NLRP12: variants seen among roughly 807,000 people sequenced by gnomAD.
The protein encoded by NLRP12 is NACHT, LRR and PYD domains-containing protein 12.
NLRP12 carries 108 observed loss-of-function variants against 91.2 expected under a neutral mutation model. That is an observed-to-expected ratio of 1.18 (90% CI 1.01 to 1.39). The LOEUF (loss-of-function observed/expected upper bound fraction) is 1.39. Ranked by LOEUF, NLRP12 falls within the 40% of genes most tolerant of loss-of-function variation. The pLI, the probability that NLRP12 is intolerant of heterozygous loss-of-function variation, is 0.00. For missense variants in NLRP12, 1,530 were observed against 1,352.7 expected (o/e 1.13, Z -2.06); for synonymous variants, 613 against 566.7 (o/e 1.08, Z -1.16).
chr19:53,809,505 T>C, intron 3 of NLRP12, 82 bp downstream of exon 3: 1 of 1,330,240 alleles, frequency 7.5e-7, no homozygotes, highest in Non-Finnish European at 1.0e-6. Context: ...TACTCCAGCC[T>C]AGGCAACAGA....
Position 53,801,199 on chromosome 19 carries a change from C to T in NLRP12, c.2756+28G>A, listed in dbSNP as rs761498561. 3.1e-6 allele frequency: 5 copies of T among 1,611,408 alleles called. No individual in the cohort carries two copies. The Admixed American group carries it at 6.7e-5, about 22-fold the overall frequency. ...GGGCTGCGTTCATGGATTGGGACTC[C>T]TAGCGTGGTGAGCAAAACGGGACTC... On this transcript the variant is annotated intron_variant, in intron 7 of 9. Coordinates refer to ENST00000324134, the MANE Select transcript of NLRP12 (RefSeq NM_144687.4).
chr19:53,811,850 C>T (rs2092082007), intron 2 of NLRP12, among the ~76,000 whole-genome samples: 1 of 152,072 alleles, frequency 6.6e-6, no homozygotes. Flanking sequence ...GAGGCATGAG[C>T]CACTGTGTCC....
intron 7 of NLRP12, among the ~76,000 whole-genome samples, chr19:53,800,934 C>T (rs2091858404): frequency 6.6e-6 from 1 of 151,976 alleles, no homozygotes; most frequent in African/African-American, 2.4e-5. Flanking sequence ...GTGGCTCAAG[C>T]CTGTAATCCC....
rs751967123 is a variant in NLRP12 at position 53,810,069 on chromosome 19, C to T, written c.1590G>A (p.Glu530=). Residue 530 remains glutamate, a synonymous_variant, in exon 3 of 10, where the codon GAG becomes GAA. Transcript: ENST00000324134. ...FFAAMYYILD[E]GEGGAGPDQD... Reference sequence around the variant, plus strand: ...GGTCTGGGCCTGCCCCGCCCTCCCCCTCGTCCAGGATATAGTACATAGCTG... The same window carrying T: ...GGTCTGGGCCTGCCCCGCCCTCCCCTTCGTCCAGGATATAGTACATAGCTG... 2.5e-6 allele frequency: 4 copies of T among 1,614,166 alleles called. No individual in the cohort carries two copies. Among genetic ancestry groups the T allele is most frequent in the Non-Finnish European group, 3.4e-6 (4 of 1,180,036 alleles).
At chr19:53,820,845 G>A (rs980701309) in intron 1 of NLRP12, among the ~76,000 whole-genome samples, 5 of 150,048 alleles carry the variant, frequency 3.3e-5, no homozygotes, top group African/African-American at 1.2e-4. Flanking sequence ...CCATCACTGC[G>A]CCCAGCTAAT....
chr19:53,803,647 C>G (rs979753839), intron 6 of NLRP12: 2 of 389,108 alleles, frequency 5.1e-6, no homozygotes, highest in African/African-American at 4.2e-5. Context: ...GATCTCAGCT[C>G]ACTGCAACTT....
chr19:53,801,470 G>C, intron 6 of NLRP12, 73 bp from the exon 7 acceptor site: 2 of 879,426 alleles, frequency 2.3e-6, no homozygotes, highest in Non-Finnish European at 1.5e-6. Context: ...TTTTTTTTTT[G>C]AGACAGAGTC....
Position 53,814,778 on chromosome 19 carries a change from C to G in NLRP12, c.370+130G>C, listed in dbSNP as rs887465452. ...TGATGAGTTGAAACACAGGAGGAAACTGCCCCTTTGATGGTGTCATTAATC... is the reference window on the plus strand; with the variant it reads ...TGATGAGTTGAAACACAGGAGGAAAGTGCCCCTTTGATGGTGTCATTAATC... On this transcript the variant is annotated intron_variant, in intron 2 of 9. Coordinates refer to ENST00000324134, the MANE Select transcript of NLRP12 (RefSeq NM_144687.4). 101 of 772,938 alleles carry G rather than the reference C, an allele frequency of 1.3e-4. 3 individuals carry two copies. The Middle Eastern group carries it at 1.6e-3, about 13-fold the overall frequency. The allele number at this position is 772,938 out of a possible 1,614,324, so 47.9% of individuals were successfully genotyped here.
intron 1 of NLRP12, among the ~76,000 whole-genome samples, chr19:53,818,139 T>G (rs940023031): frequency 1.3e-5 from 2 of 150,634 alleles, no homozygotes; most frequent in African/African-American, 4.9e-5. Context: ...GCTGGAGTAG[T>G]GTGGCATGAT....
Position 53,810,815 on chromosome 19 carries a change from GCTC to G in NLRP12, c.841_843del (p.Glu281del). On this transcript the variant is annotated inframe_deletion, in exon 3 of 10. Transcript: ENST00000324134. ...AGGAGGCGCTCGGGAACTCGGATGAGCTCCTGGAGAGGCGCGCTGGGCTCAGGC... is the reference window on the plus strand; with the variant it reads ...AGGAGGCGCTCGGGAACTCGGATGAGCTGGAGAGGCGCGCTGGGCTCAGGC... 1 of 1,614,138 alleles carries G rather than the reference GCTC, an allele frequency of 6.2e-7. No homozygotes were observed.
chr19:53,798,940 C>G (rs112065860), intron 7 of NLRP12, among the ~76,000 whole-genome samples: 4 of 151,524 alleles, frequency 2.6e-5, no homozygotes, highest in African/African-American at 9.7e-5. Flanking sequence ...CGGGGTTTCA[C>G]CATGTTGGTC....
intron 1 of NLRP12, among the ~76,000 whole-genome samples, chr19:53,815,934 A>ATTTT (rs576400966): frequency 7.4e-6 from 1 of 135,526 alleles, no homozygotes. Context: ...AAATATTTTA[A>ATTTT]TTTTTTTTTT....
intron 4 of NLRP12, among the ~76,000 whole-genome samples, chr19:53,807,075 T>C (rs989049650): frequency 6.7e-6 from 1 of 150,140 alleles, no homozygotes; most frequent in African/African-American, 2.5e-5. Flanking sequence ...TTTGGCACTT[T>C]TTTCCCCCCT....
At chr19:53,794,983 T>G (rs962071266) in intron 9 of NLRP12, among the ~76,000 whole-genome samples, 1 of 152,018 alleles carries the variant, frequency 6.6e-6, no homozygotes, top group African/African-American at 2.4e-5. Context: ...AAGTTCCTGC[T>G]GGGTCACCCA....
intron 9 of NLRP12, 34 bp downstream of exon 9, chr19:53,795,825 C>G (rs772755644): frequency 6.2e-7 from 1 of 1,606,890 alleles, no homozygotes; most frequent in Non-Finnish European, 8.5e-7. Flanking sequence ...CAATGTCCAG[C>G]CTCCTCCAGA....
intron 1 of NLRP12, among the ~76,000 whole-genome samples, chr19:53,823,414 T>TATTAAAAATATA (rs1568702578): frequency 2.0e-5 from 2 of 98,062 alleles, no homozygotes; most frequent in Non-Finnish European, 4.6e-5. Flanking sequence ...TTAAAATATA[T>TATTAAAAATATA]GTTTTAAATA....
Position 53,809,923 on chromosome 19 carries a change from A to G in NLRP12, c.1736T>C (p.Leu579Pro). ...EETRSHLEKS[L>P]CWKVSPHIKM... ...GATGTGCGGCGAGACCTTCCAGCAG[A>G]GACTCTTCTCCAGGTGGCTCCTGGT... The change falls in exon 3 of 10, where the codon CTC (leucine) becomes CCC (proline). Residue 579 changes from leucine to proline, a missense_variant. Transcript: ENST00000324134. The G allele has an allele frequency of 6.2e-7, 1 of 1,614,090 alleles. No individual in the cohort carries two copies. Among genetic ancestry groups the G allele is most frequent in the South Asian group, 1.1e-5 (1 of 91,088 alleles).
At position 53,803,957 on chromosome 19, in the gene NLRP12, A is replaced by T; in HGVS notation, c.2580T>A (p.Thr860=). ...GLRHPVCRLR[T]LWLKICRLTA... ...TGACCCCAGGAAGAACTCACCACAA[A>T]GTCCGTAGTCTGCAGACTGGGTGCC... The change falls in exon 6 of 10, where the codon ACT becomes ACA. Residue 860 remains threonine, a synonymous_variant. Coordinates refer to ENST00000324134, the MANE Select transcript of NLRP12 (RefSeq NM_144687.4). 3 of 1,614,028 alleles carry T rather than the reference A, an allele frequency of 1.9e-6. No individual in the cohort carries two copies. The highest frequency in any genetic ancestry group is 2.5e-6 in the Non-Finnish European group (3 of 1,179,956).
chr19:53,807,627 T>A lies in NLRP12; in HGVS notation c.2111A>T (p.His704Leu), dbSNP rs2091982925. 6.2e-7 allele frequency: 1 copy of A among 1,614,054 alleles called. No homozygotes were observed. The highest frequency in any genetic ancestry group is 1.7e-5 in the Admixed American group (1 of 59,994). The change falls in exon 4 of 10, where the codon CAT becomes CTT. Residue 704 changes from histidine to leucine, a missense_variant. By Grantham distance (99) the His-to-Leu change is moderately conservative. Transcript: ENST00000324134. ...ATTGGTGCACAGGGCCGCTGCCAGATGTTCACTGTAGGCGTCCAGCAGAAC... is the reference window on the plus strand; with the variant it reads ...ATTGGTGCACAGGGCCGCTGCCAGAAGTTCACTGTAGGCGTCCAGCAGAAC... The part of the protein sequence containing the change: ...RTVLLDAYSE[H>L]LAAALCTNPN...
Sources: gnomAD v4.1 joint callset for allele counts (sites outside exome capture counted in the v4.1 genomes callset) on GRCh38, gnomAD v4.1.1 for gene constraint, MANE v1.5 for transcripts, NCBI Gene and HGNC (gene_info 2026-07-23, HGNC 2026-07-21) for gene names.